IPO8: variants seen among roughly 807,000 people sequenced by gnomAD.
The protein encoded by IPO8 is importin-8.
A neutral mutation model predicts 141.2 loss-of-function variants in IPO8; 65 were observed. The ratio of observed to expected loss-of-function variants is 0.46; its 90% CI spans 0.38 to 0.57. The LOEUF is 0.57. IPO8 is among the 20% of genes least tolerant of loss of function. The probability of loss-of-function intolerance (pLI) is 0.00; values close to 1 mark genes in which losing one functional copy is unlikely to be tolerated. For synonymous variants in IPO8, 411 were observed against 420.3 expected, an observed-to-expected ratio of 0.98 and a Z score of 0.27; for missense variants, 980 against 1,246.8, an observed-to-expected ratio of 0.79 and a Z score of 3.22.
intron 20 of IPO8, among the ~76,000 whole-genome samples, chr12:30,644,648 T>TG (rs11395708): frequency 0.55 from 82,446 of 148,676 alleles, 23,881 homozygotes; most frequent in African/African-American, 0.7. Flanking sequence ...GTGTTTTTTT[T>TG]TTTTGTTTTT....
chr12:30,677,109 G>C, intron 5 of IPO8: 1 of 1,493,376 alleles, frequency 6.7e-7, no homozygotes, highest in Non-Finnish European at 9.0e-7. Context: ...TACAAAACAT[G>C]CTACATGCTA....
chr12:30,631,835 TA>T, intron 24 of IPO8, 59 bp downstream of exon 24: 2 of 1,109,228 alleles, frequency 1.8e-6, no homozygotes, highest in South Asian at 1.4e-5. Context: ...GCTCATCAAA[TA>T]AGGCTGTCTG....
chr12:30,634,011 T>C (rs967773854), intron 23 of IPO8, 72 bp downstream of exon 23: 49 of 1,411,520 alleles, frequency 3.5e-5, no homozygotes, highest in Non-Finnish European at 4.5e-5. Context: ...TGGGCAAATA[T>C]CAAAACAGGA....
chr12:30,678,116 C>T (rs775092682), intron 5 of IPO8, among the ~76,000 whole-genome samples: 1 of 138,400 alleles, frequency 7.2e-6, no homozygotes, highest in Non-Finnish European at 1.5e-5. Flanking sequence ...CAGAGGGAGA[C>T]TCCATCTCAA....
chr12:30,641,493 C>CTTTTTTTT (rs58656525), intron 20 of IPO8, among the ~76,000 whole-genome samples: 15 of 135,040 alleles, frequency 1.1e-4, no homozygotes, highest in Non-Finnish European at 1.6e-4. Context: ...TAAGCTATTT[C>CTTTTTTTT]TTTTTTTTTT....
chr12:30,663,810 C>T (rs1302839970), intron 13 of IPO8, among the ~76,000 whole-genome samples, 156 bp from the exon 14 acceptor site: 2 of 152,066 alleles, frequency 1.3e-5, no homozygotes, highest in Non-Finnish European at 2.9e-5. Context: ...CTTCTACATC[C>T]CCCTTTTTAC....
intron 13 of IPO8, 29 bp downstream of exon 13, chr12:30,665,191 G>C (rs1356280447): frequency 8.6e-7 from 1 of 1,165,316 alleles, no homozygotes; most frequent in African/African-American, 1.6e-5. Context: ...GAAGATTTAA[G>C]ATACATAACA....
At chr12:30,638,940 G>A (rs1591822188) in intron 21 of IPO8, among the ~76,000 whole-genome samples, 1 of 151,950 alleles carries the variant, frequency 6.6e-6, no homozygotes, top group African/African-American at 2.4e-5. Flanking sequence ...CAAAGTGCTG[G>A]GATTACAGAT....
chr12:30,645,952 C>A (rs1275961121), intron 20 of IPO8, among the ~76,000 whole-genome samples: 1 of 151,772 alleles, frequency 6.6e-6, no homozygotes, highest in Non-Finnish European at 1.5e-5. Context: ...AAAAGAAGAG[C>A]AATTCTTCAC....
At chr12:30,671,631 G>A (rs1476635456) in intron 8 of IPO8, among the ~76,000 whole-genome samples, 2 of 135,774 alleles carry the variant, frequency 1.5e-5, no homozygotes, top group African/African-American at 5.6e-5. Flanking sequence ...CCGAGATCGC[G>A]CCACTGCACT....
chr12:30,643,573 T>G (rs1354130003), intron 20 of IPO8, among the ~76,000 whole-genome samples: 1 of 152,222 alleles, frequency 6.6e-6, no homozygotes, highest in Non-Finnish European at 1.5e-5. Flanking sequence ...GTTTGAGTCA[T>G]GGTAGTGGTC....
chr12:30,690,540 C>T lies in IPO8; in HGVS notation c.122G>A (p.Arg41Gln), dbSNP rs372704582. The T allele has an allele frequency of 1.3e-6, 2 of 1,593,982 alleles. No individual in the cohort carries two copies. Among genetic ancestry groups the T allele is most frequent in the Non-Finnish European group, 8.5e-7 (1 of 1,171,948 alleles). The change falls in exon 2 of 25, where the codon CGG (arginine) becomes CAG (glutamine). Residue 41 changes from arginine (R) to glutamine (Q), a missense_variant. Arg to Gln is a conservative substitution (Grantham distance 43, BLOSUM62 1). Coordinates refer to ENST00000256079, the MANE Select transcript of IPO8 (RefSeq NM_006390.4). ...KIINFAPSLL[R>Q]IIVSDHVEFP... ...TTCCACATGGTCAGAGACTATAATCCGAAGTAAACTGGGGGCAAAATTGAT... is the reference window on the plus strand; with the variant it reads ...TTCCACATGGTCAGAGACTATAATCTGAAGTAAACTGGGGGCAAAATTGAT...
chr12:30,695,834 T>TC lies in IPO8; in HGVS notation c.-188dup, dbSNP rs1368214346. 32 of 507,860 alleles carry TC rather than the reference T, an allele frequency of 6.3e-5. No individual in the cohort carries two copies. Among genetic ancestry groups the TC allele is most frequent in the East Asian group, 1.0e-4 (3 of 29,336 alleles). The allele number at this position is 507,860 out of a possible 1,614,324, so 31.5% of individuals were successfully genotyped here. A position where few individuals can be genotyped will look rare whatever the true frequency, so the allele number is the denominator to read the frequency against. ...CTCCGCGCCCCCTGTCCTCCCTTTT[T>TC]CCCCCCCACAACTCGCTCTCCATTC... On this transcript the variant is annotated 5_prime_UTR_variant, in exon 1 of 25. An upstream open reading frame in the 5' UTR loses its in-frame stop. Transcript: ENST00000256079. The surrounding 1 kb of genome is among the most constrained non-coding windows in gnomAD (Gnocchi z 4.2).
chr12:30,669,544 C>T (rs922141628), intron 9 of IPO8, among the ~76,000 whole-genome samples: 3 of 152,026 alleles, frequency 2.0e-5, no homozygotes, highest in Non-Finnish European at 4.4e-5. Context: ...GTAATCCTAC[C>T]TCTTTGGAAG....
Position 30,663,569 on chromosome 12 carries a change from C to G in IPO8, c.1514G>C (p.Ser505Thr). ...LRNAVELAKK[S>T]LIEDKEMPVK... Reference sequence around the variant, plus strand: ...AGGCATCTCTTTATCTTCAATCAGGCTCTTCTTCGCTAATTCAACGGCATT... The same window carrying G: ...AGGCATCTCTTTATCTTCAATCAGGGTCTTCTTCGCTAATTCAACGGCATT... Residue 505 changes from serine (S) to threonine (T), a missense_variant, in exon 14 of 25, where the codon AGC becomes ACC. By Grantham distance (58) the Ser-to-Thr change is moderately conservative (BLOSUM62 1). Around this residue, in one of 3 missense-constraint regions of IPO8, gnomAD observed 924 missense variants for 1,153.9 expected, o/e 0.80. Coordinates refer to ENST00000256079, the MANE Select transcript of IPO8 (RefSeq NM_006390.4). 1 of 1,613,724 alleles carries G rather than the reference C, an allele frequency of 6.2e-7. No homozygotes were observed. Among genetic ancestry groups the G allele is most frequent in the Non-Finnish European group, 8.5e-7 (1 of 1,179,872 alleles).
Position 30,670,981 on chromosome 12 carries a change from T to A in IPO8, c.1025A>T (p.Gln342Leu), listed in dbSNP as rs2053038873. Residue 342 changes from glutamine to leucine, a missense_variant, in exon 9 of 25, where the codon CAG becomes CTG. Physicochemically the swap from Gln to Leu is moderately radical, Grantham distance 113. Transcript: ENST00000256079. ...ACTAACCTGTATGTGTGGCTTCATC[T>A]GCTTCCAGGTTATAGAATGAACCAC... is the stretch of plus-strand genomic sequence containing the variant. ...QGVVHSITWK[Q>L]MKPHIQNISE... 6.2e-7 allele frequency: 1 copy of A among 1,613,424 alleles called. No homozygotes were observed. The highest frequency in any genetic ancestry group is 1.7e-5 in the Admixed American group (1 of 59,984).
chr12:30,649,736 G>C (rs2136137427), intron 19 of IPO8, among the ~76,000 whole-genome samples: 1 of 152,082 alleles, frequency 6.6e-6, no homozygotes, highest in Non-Finnish European at 1.5e-5. Flanking sequence ...GACAGTAGGT[G>C]AATATAACAA....
At chr12:30,682,947 G>C (rs551492762) in intron 3 of IPO8, among the ~76,000 whole-genome samples, 2 of 152,024 alleles carry the variant, frequency 1.3e-5, no homozygotes, top group East Asian at 3.9e-4. Context: ...GAACCGTCCC[G>C]TAATAAAGAT....
chr12:30,665,556 A>G (rs1371809283), intron 12 of IPO8, among the ~76,000 whole-genome samples, 173 bp downstream of exon 12: 1 of 152,246 alleles, frequency 6.6e-6, no homozygotes, highest in African/African-American at 2.4e-5. Context: ...TGAAAACTTT[A>G]AACAGTCAAA....
Sources: gnomAD v4.1 joint callset for allele counts (sites outside exome capture counted in the v4.1 genomes callset) on GRCh38, gnomAD v4.1.1 for gene constraint, gnomAD v4.1.1 regional missense constraint, Gnocchi (gnomAD v3.1) non-coding constraint, MANE v1.5 for transcripts, NCBI Gene and HGNC (gene_info 2026-07-23, HGNC 2026-07-21) for gene names.